Variants in VSTM4 observed in about 807,000 individuals in gnomAD.
The protein encoded by VSTM4 is V-set and transmembrane domain containing 4.
Under a neutral mutation model 36.4 loss-of-function variants are expected in VSTM4, and 20 were observed. The ratio of observed to expected loss-of-function variants is 0.55; its 90% confidence interval spans 0.39 to 0.80. The LOEUF (loss-of-function observed/expected upper bound fraction) is 0.80, where lower values mean the gene tolerates loss of function less well. VSTM4 is among the 30% of genes least tolerant of loss of function. The pLI, the probability that VSTM4 is intolerant of heterozygous loss-of-function variation, is 0.00. For synonymous variants in VSTM4, 182 were observed against 173.9 expected, an observed-to-expected ratio of 1.05 and a Z score of -0.37; for missense variants, 392 against 404.5, an observed-to-expected ratio of 0.97 and a Z score of 0.26.
Position 49,064,753 on chromosome 10 carries a change from A to G in VSTM4, c.635-17T>C, listed in dbSNP as rs1271527319. 1.2e-6 allele frequency: 2 copies of G among 1,611,370 alleles called. No homozygotes were observed. The highest frequency in any genetic ancestry group is 1.7e-6 in the Non-Finnish European group (2 of 1,178,728). On this transcript the variant is annotated splice_polypyrimidine_tract_variant and intron_variant, in intron 4 of 7. Coordinates refer to ENST00000332853, the MANE Select transcript of VSTM4 (RefSeq NM_001031746.5). ...AATGTCTCACTGTGAAAGGAAAAATAATAGAAGATGGTAAACCAATGCTAC... is the reference window on the plus strand; with the variant it reads ...AATGTCTCACTGTGAAAGGAAAAATGATAGAAGATGGTAAACCAATGCTAC...
chr10:49,083,265 G>A (rs1343296398), intron 3 of VSTM4, among the ~76,000 whole-genome samples: 1 of 152,176 alleles, frequency 6.6e-6, no homozygotes, highest in Non-Finnish European at 1.5e-5. Context: ...TAGCCCCAAA[G>A]GATTTTAACT....
chr10:49,086,582 T>C (rs1590118871), intron 2 of VSTM4, among the ~76,000 whole-genome samples: 3 of 152,294 alleles, frequency 2.0e-5, no homozygotes, highest in Middle Eastern at 3.4e-3. Flanking sequence ...CAGAATTGAG[T>C]TACACTGTGT....
At chr10:49,039,845 A>C (rs749914454) in intron 7 of VSTM4, among the ~76,000 whole-genome samples, 1 of 152,242 alleles carries the variant, frequency 6.6e-6, no homozygotes, top group Admixed American at 6.5e-5. Context: ...CATCATAGAA[A>C]AGTTCCGCTA....
intron 2 of VSTM4, chr10:49,103,599 T>C: frequency 6.9e-7 from 1 of 1,452,998 alleles, no homozygotes; most frequent in Non-Finnish European, 9.0e-7. Context: ...TTCTCAGAAC[T>C]GGGAGTTATT....
intron 7 of VSTM4, among the ~76,000 whole-genome samples, chr10:49,036,261 C>G (rs931287445): frequency 6.6e-6 from 1 of 152,164 alleles, no homozygotes; most frequent in Non-Finnish European, 1.5e-5. Context: ...CATAACTCCC[C>G]GCAACAATAA....
intron 6 of VSTM4, 145 bp from the exon 7 acceptor site, chr10:49,047,189 A>G: frequency 1.2e-6 from 1 of 836,056 alleles, no homozygotes. Flanking sequence ...GGTGTCAGCA[A>G]GTGCCCCTCG....
intron 7 of VSTM4, among the ~76,000 whole-genome samples, chr10:49,041,446 A>G (rs1843520090): frequency 6.6e-6 from 1 of 152,212 alleles, no homozygotes; most frequent in African/African-American, 2.4e-5. Flanking sequence ...AGCTGCCCCA[A>G]TCAATTATCT....
chr10:49,020,504 G>T (rs901926878), intron 7 of VSTM4, among the ~76,000 whole-genome samples: 10 of 151,480 alleles, frequency 6.6e-5, no homozygotes, highest in African/African-American at 2.4e-4. Context: ...AAGCGTAAGT[G>T]AATAAAATAA....
chr10:49,085,850 T>TG, intron 3 of VSTM4, 105 bp downstream of exon 3: 1 of 657,028 alleles, frequency 1.5e-6, no homozygotes, highest in Non-Finnish European at 2.5e-6. Context: ...GTAACAAACC[T>TG]GCACGTTGTG....
intron 2 of VSTM4, among the ~76,000 whole-genome samples, chr10:49,094,393 C>G (rs1844533347): frequency 6.6e-6 from 1 of 152,172 alleles, no homozygotes; most frequent in African/African-American, 2.4e-5. Context: ...TCTTCTTAAA[C>G]AGAAGATGAT....
intron 2 of VSTM4, among the ~76,000 whole-genome samples, chr10:49,106,702 C>A (rs1416175158): frequency 6.6e-6 from 1 of 152,216 alleles, no homozygotes; most frequent in East Asian, 1.9e-4. Flanking sequence ...CGGCACCCCC[C>A]AGCCAAAGCC....
Position 49,015,312 on chromosome 10 carries a change from A to C in VSTM4, c.*4338T>G, listed in dbSNP as rs1026906015. 1 of 151,994 alleles carries C rather than the reference A, an allele frequency of 6.6e-6. No homozygotes were observed. Among genetic ancestry groups the C allele is most frequent in the Admixed American group, 6.6e-5 (1 of 15,262 alleles). The allele number at this position is 151,994 out of a possible 1,614,324, so 9.4% of individuals were successfully genotyped here. ...AATTTTTTGTATTTTTAGTAGAGAC[A>C]GGGTTTCACCGTGTTAGCCAGGATG... On this transcript the variant is annotated 3_prime_UTR_variant, in exon 8 of 8. Coordinates refer to ENST00000332853, the MANE Select transcript of VSTM4 (RefSeq NM_001031746.5).
intron 7 of VSTM4, among the ~76,000 whole-genome samples, chr10:49,045,623 C>T (rs2247064): frequency 0.97 from 147,488 of 152,280 alleles, 71,604 homozygotes; most frequent in East Asian, 1. Context: ...AGGTGGAGCT[C>T]AACTCTCCTC....
At position 49,019,698 on chromosome 10, in the gene VSTM4, G is replaced by T. The variant is rs984812981; in HGVS notation, c.915C>A (p.Pro305=). The T allele has an allele frequency of 9.9e-6, 16 of 1,614,010 alleles. No homozygotes were observed. The East Asian group carries it at 3.6e-4, about 36-fold the overall frequency. The stretch of plus-strand genomic sequence containing the variant: ...GGATCTGGGCGTAGACAGTGCTGGT[G>T]GGGGCGCCTTTGGCAGCCCGGTGGG... The part of the protein sequence containing the change: ...IKPHRAAKGA[P]TSTVYAQILF... Residue 305 remains proline, a synonymous_variant, in exon 8 of 8, where the codon CCC becomes CCA. Transcript: ENST00000332853.
chr10:49,041,450 A>T lies in VSTM4; in HGVS notation c.837+5533T>A, dbSNP rs548562507. ...GAAATGCATATAGCTGCCCCAATCA[A>T]TTATCTGTGAAAATTGAGAATTTCC... On this transcript the variant is annotated intron_variant, in intron 7 of 7. Transcript: ENST00000332853. Among the ~76,000 whole-genome samples the T allele has an allele frequency of 2.6e-5, 4 of 152,334 alleles. No individual in the cohort carries two copies. In the East Asian group the frequency reaches 7.7e-4, roughly 29 times the overall value.
intron 7 of VSTM4, among the ~76,000 whole-genome samples, chr10:49,027,530 G>T (rs1030337057): frequency 6.6e-6 from 1 of 152,176 alleles, no homozygotes; most frequent in African/African-American, 2.4e-5. Context: ...AGGTATAGAT[G>T]TCTGTAACCA....
chr10:49,064,014 A>C (rs1843927364), intron 5 of VSTM4: 1 of 152,262 alleles, frequency 6.6e-6, no homozygotes, highest in African/African-American at 2.4e-5. Context: ...AGATTGGAGT[A>C]GGAAAAAAGC....
chr10:49,090,329 T>C (rs2132006320), intron 2 of VSTM4, among the ~76,000 whole-genome samples: 1 of 152,300 alleles, frequency 6.6e-6, no homozygotes, highest in Non-Finnish European at 1.5e-5. Flanking sequence ...AACAGCCTCT[T>C]GTACCAATTT....
chr10:49,066,825 G>T lies in VSTM4; in HGVS notation c.635-2089C>A, dbSNP rs1405067775. Among the ~76,000 whole-genome samples, 3 of 151,746 alleles carry T rather than the reference G, an allele frequency of 2.0e-5. No homozygotes were observed. The South Asian group carries it at 6.2e-4, about 31-fold the overall frequency. On this transcript the variant is annotated intron_variant, in intron 4 of 7. Transcript: ENST00000332853. ...ATTTTAACAGACACTTATGAAATGA[G>T]GAAATTAAAAAATTATTAATTTAAA... is the stretch of plus-strand genomic sequence containing the variant.
Sources: gnomAD v4.1 joint callset for allele counts (sites outside exome capture counted in the v4.1 genomes callset) on GRCh38, gnomAD v4.1.1 for gene constraint, MANE v1.5 for transcripts, NCBI Gene and HGNC (gene_info 2026-07-23, HGNC 2026-07-21) for gene names.